CASP8: variants seen among roughly 807,000 people sequenced by gnomAD.
The protein encoded by CASP8 is caspase 8.
Under a neutral mutation model 46.3 loss-of-function variants are expected in CASP8, and 24 were observed. The observed-to-expected ratio is 0.52, with a 90% confidence interval of 0.38 to 0.73. CASP8 has a LOEUF of 0.73. Ranked by LOEUF, CASP8 falls within the 30% of genes least tolerant of loss-of-function variation. The pLI is 0.00. For missense variants in CASP8, 460 were observed against 559.0 expected (o/e 0.82, Z 1.79); for synonymous variants, 188 against 200.4 (o/e 0.94, Z 0.52).
intron 2 of CASP8, among the ~76,000 whole-genome samples, chr2:201,239,404 C>G (rs540040676): frequency 2.6e-5 from 4 of 152,118 alleles, no homozygotes; most frequent in African/African-American, 9.7e-5. Flanking sequence ...GGGCTGACCC[C>G]CCACCTCCCT....
intron 2 of CASP8, among the ~76,000 whole-genome samples, chr2:201,239,755 A>C (rs934051344): frequency 1.3e-5 from 2 of 152,138 alleles, no homozygotes; most frequent in Admixed American, 1.3e-4. Flanking sequence ...GTGGCGGGCA[A>C]TCCTTACCCG....
At chr2:201,256,899 A>C (rs1376867726), upstream of CASP8, among the ~76,000 whole-genome samples, 1 of 152,170 alleles carries the variant, frequency 6.6e-6, no homozygotes, top group Non-Finnish European at 1.5e-5. Flanking sequence ...TAATCCCAGC[A>C]CTCTGCCAGG....
At chr2:201,247,190 CAAAAAA>C (rs71022356) in intron 2 of CASP8, among the ~76,000 whole-genome samples, 46 of 81,412 alleles carry the variant, frequency 5.7e-4, no homozygotes, top group South Asian at 3.0e-3. Context: ...CTGTCTGTCT[CAAAAAA>C]AAAAAAAAAA....
chr2:201,234,077 C>G (rs1400355752), exon 2 of CASP8: 1 of 152,552 alleles, frequency 6.6e-6, no homozygotes, highest in African/African-American at 2.4e-5. Flanking sequence ...CCGCCTGAGC[C>G]CTTGAGTTGG....
At chr2:201,234,665 G>A (rs759508503) in intron 2 of CASP8, among the ~76,000 whole-genome samples, 3 of 151,584 alleles carry the variant, frequency 2.0e-5, no homozygotes, top group Non-Finnish European at 4.4e-5. Context: ...CACCATGTTG[G>A]CCAGGCTGGT....
intron 2 of CASP8, among the ~76,000 whole-genome samples, chr2:201,239,410 T>A (rs998125607): frequency 6.6e-6 from 1 of 152,106 alleles, no homozygotes; most frequent in Admixed American, 6.5e-5. Flanking sequence ...ACCCCCCACC[T>A]CCCTCCCGGA....
In CASP8 at chr2:201,280,757, G is replaced by A. The variant is rs145955827; in HGVS notation, c.802+3789G>A. Among the ~76,000 whole-genome samples the A allele has an allele frequency of 8.3e-4, 126 of 152,354 alleles. 1 individual carries two copies. In the East Asian group the frequency reaches 0.017, roughly 21 times the overall value. ...ATTCATCTGGCCTATGGAACAGCCAGTTGGTATTACAGCAGAAGGATGCAG... is the reference window on the plus strand; with the variant it reads ...ATTCATCTGGCCTATGGAACAGCCAATTGGTATTACAGCAGAAGGATGCAG... On this transcript the variant is annotated intron_variant, in intron 7 of 8. Coordinates refer to ENST00000673742, the MANE Select transcript of CASP8 (RefSeq NM_001372051.1).
At position 201,276,934 on chromosome 2, in the gene CASP8, C is replaced by G. The variant is rs1443977710; in HGVS notation, c.768C>G (p.Ser256Arg). The stretch of plus-strand genomic sequence containing the variant: ...GGGAGAAAGTGCCCAAACTTCACAG[C>G]ATTAGGGACAGGAATGGAACACACT... ...KAREKVPKLH[S>R]IRDRNGTHLD... The change falls in exon 7 of 9, where the codon AGC (serine) becomes AGG (arginine). Residue 256 changes from serine (S) to arginine (R), a missense_variant. Ser to Arg is a moderately radical substitution (Grantham distance 110). Transcript: ENST00000673742. 1 of 1,613,838 alleles carries G rather than the reference C, an allele frequency of 6.2e-7. No homozygotes were observed. The highest frequency in any genetic ancestry group is 1.1e-5 in the South Asian group (1 of 91,082).
intron 1 of CASP8, among the ~76,000 whole-genome samples, chr2:201,265,623 T>C (rs1018955464): frequency 6.6e-6 from 1 of 152,114 alleles, no homozygotes; most frequent in Non-Finnish European, 1.5e-5. Flanking sequence ...CAGTCCTTTC[T>C]TAGCTCCTCA....
At chr2:201,284,498 A>C in intron 7 of CASP8, among the ~76,000 whole-genome samples, 1 of 52,702 alleles carries the variant, frequency 1.9e-5, no homozygotes, top group African/African-American at 7.1e-5. Flanking sequence ...ACACAGCGAA[A>C]CCCCATCTCC....
chr2:201,283,603 C>T (rs1949304013), intron 7 of CASP8, among the ~76,000 whole-genome samples: 1 of 85,012 alleles, frequency 1.2e-5, no homozygotes, highest in Admixed American at 9.4e-5. Context: ...GACGGGGCGG[C>T]TGGCCGGGCA....
intron 7 of CASP8, among the ~76,000 whole-genome samples, chr2:201,279,005 G>A (rs532276806): frequency 1.4e-4 from 22 of 152,188 alleles, no homozygotes; most frequent in African/African-American, 4.8e-4. Flanking sequence ...AAAGAGTCGA[G>A]GTAATTGACT....
intron 1 of CASP8, among the ~76,000 whole-genome samples, chr2:201,265,665 C>T (rs974438475): frequency 1.3e-5 from 2 of 152,154 alleles, no homozygotes; most frequent in African/African-American, 4.8e-5. Context: ...AACCCCTCGC[C>T]CCATGGTAAT....
At chr2:201,276,691 A>G (rs1948652174) in intron 6 of CASP8, 136 bp from the exon 7 acceptor site, 14 of 1,049,590 alleles carry the variant, frequency 1.3e-5, no homozygotes, top group Admixed American at 2.0e-5. Flanking sequence ...ATAGGTAGAA[A>G]CTAGTTCTTC....
chr2:201,285,344 C>T (rs2125493630), intron 8 of CASP8, 27 bp downstream of exon 8: 1 of 1,611,166 alleles, frequency 6.2e-7, no homozygotes, highest in Non-Finnish European at 8.5e-7. Flanking sequence ...CAGCCCTCCT[C>T]ACTGTTACAC....
At chr2:201,243,651 A>G (rs1398312605) in intron 2 of CASP8, among the ~76,000 whole-genome samples, 2 of 152,228 alleles carry the variant, frequency 1.3e-5, no homozygotes, top group Non-Finnish European at 2.9e-5. Flanking sequence ...ATGAATTAGG[A>G]AGTTCTGGAG....
At chr2:201,261,411 A>C (rs1390749909) in intron 1 of CASP8, among the ~76,000 whole-genome samples, 2 of 151,302 alleles carry the variant, frequency 1.3e-5, no homozygotes, top group Non-Finnish European at 2.9e-5. Context: ...AAAAAAAAAA[A>C]ATTAAAAAGA....
intron 2 of CASP8, chr2:201,269,559 A>G (rs1368261434): frequency 6.2e-7 from 1 of 1,613,470 alleles, no homozygotes; most frequent in East Asian, 2.2e-5. Flanking sequence ...CCAGTGCCAG[A>G]CACAGTCTGT....
chr2:201,275,426 A>T (rs1457064474), intron 6 of CASP8, among the ~76,000 whole-genome samples: 1 of 152,246 alleles, frequency 6.6e-6, no homozygotes, highest in African/African-American at 2.4e-5. Flanking sequence ...ACCAGCAGAA[A>T]CATGTAATTT....
Sources: allele counts gnomAD v4.1 joint callset (sites outside exome capture counted in the v4.1 genomes callset), GRCh38; gene constraint gnomAD v4.1.1; transcripts MANE v1.5; gene names NCBI Gene and HGNC (gene_info 2026-07-23, HGNC 2026-07-21).